CRB1: variants seen among roughly 807,000 people sequenced by gnomAD.
CRB1 encodes the protein crumbs cell polarity complex component 1, also known as protein crumbs homolog 1.
In CRB1, 83 loss-of-function variants were observed where a neutral mutation model predicts 120.0. That is an observed-to-expected ratio of 0.69 (90% CI 0.58 to 0.83). The LOEUF (loss-of-function observed/expected upper bound fraction) is 0.83, where lower values mean the gene tolerates loss of function less well. CRB1 is among the 40% of genes least tolerant of loss of function. The pLI is 0.00. For missense variants in CRB1, 1,699 were observed against 1,687.6 expected (o/e 1.01, Z -0.12); for synonymous variants, 625 against 612.5 (o/e 1.02, Z -0.30).
chr1:197,349,559 T>A (rs1659971619), intron 4 of CRB1, among the ~76,000 whole-genome samples: 2 of 152,182 alleles, frequency 1.3e-5, no homozygotes, highest in South Asian at 4.1e-4. Context: ...AAAATGATAA[T>A]CTTGTGGGTG....
intron 11 of CRB1, among the ~76,000 whole-genome samples, chr1:197,466,176 A>T (rs544550512): frequency 6.6e-6 from 1 of 152,174 alleles, no homozygotes; most frequent in South Asian, 2.1e-4. Context: ...TCCTACATTT[A>T]AGCCCTATTT....
At chr1:197,396,884 C>A (rs561281203) in intron 5 of CRB1, among the ~76,000 whole-genome samples, 1 of 151,978 alleles carries the variant, frequency 6.6e-6, no homozygotes, top group Non-Finnish European at 1.5e-5. Context: ...ATCTTGGGCT[C>A]AGCAAAGATT....
At chr1:197,367,645 A>G (rs1239359107) in intron 5 of CRB1, among the ~76,000 whole-genome samples, 4 of 152,250 alleles carry the variant, frequency 2.6e-5, no homozygotes, top group East Asian at 3.9e-4. Flanking sequence ...AATACCCTTA[A>G]CAAGTTTCCA....
chr1:197,313,939 C>T (rs550047523), intron 1 of CRB1, among the ~76,000 whole-genome samples: 90 of 152,236 alleles, frequency 5.9e-4, no homozygotes, highest in South Asian at 6.2e-4. Context: ...ATTTGTAGGT[C>T]TGGTTAAATT....
At chr1:197,371,135 T>A (rs1379077518) in intron 5 of CRB1, among the ~76,000 whole-genome samples, 2 of 152,186 alleles carry the variant, frequency 1.3e-5, no homozygotes, top group African/African-American at 4.8e-5. Context: ...TCACTTACCT[T>A]CTGTCTCAGC....
chr1:197,396,256 A>G (rs1662766624), intron 5 of CRB1, among the ~76,000 whole-genome samples: 1 of 152,158 alleles, frequency 6.6e-6, no homozygotes, highest in Non-Finnish European at 1.5e-5. Flanking sequence ...ATAATTAGGT[A>G]TACATTTAAC....
rs144818636 is a variant in CRB1 at position 197,317,648 on chromosome 1, C to T, written c.71-10774C>T. ...GCATGGTAAATGGAATAAAAATAGA[C>T]ACATAGACTAATGAACTGAATAGAG... On this transcript the variant is annotated intron_variant, in intron 1 of 11. Transcript: ENST00000367400. 3.9e-3 allele frequency among the ~76,000 whole-genome samples: 594 copies of T among 152,178 alleles called. 8 individuals are homozygous for T. The highest frequency in any genetic ancestry group is 0.011 in the Admixed American group (165 of 15,288).
intron 5 of CRB1, among the ~76,000 whole-genome samples, chr1:197,420,000 C>CA (rs200847709): frequency 0.63 from 88,605 of 139,896 alleles, 31,626 homozygotes; most frequent in East Asian, 0.86. Context: ...AAAAAAAAAA[C>CA]AAACAAAAAA....
At chr1:197,357,176 T>C in intron 5 of CRB1, 163 bp downstream of exon 5, 1 of 727,636 alleles carries the variant, frequency 1.4e-6, no homozygotes, top group East Asian at 2.7e-5. Flanking sequence ...TTGTTTCACA[T>C]TTCAGAATTC....
chr1:197,347,275 C>G (rs1005514724), intron 3 of CRB1, 65 bp from the exon 4 acceptor site: 2 of 1,428,322 alleles, frequency 1.4e-6, no homozygotes, highest in Non-Finnish European at 9.9e-7. Context: ...GTTGAAGAAA[C>G]AGTATAAAGA....
intron 5 of CRB1, among the ~76,000 whole-genome samples, chr1:197,363,472 G>A (rs1230733361): frequency 6.6e-6 from 1 of 152,112 alleles, no homozygotes; most frequent in African/African-American, 2.4e-5. Flanking sequence ...ATTCAATGTG[G>A]AATTCATGGT....
rs117670399 is a variant in CRB1 at position 197,392,278 on chromosome 1, T to C, written c.1172-28722T>C. Reference sequence around the variant, plus strand: ...ACACACACACATACACACACACACATATATATATAATTTCCTTCTTTAAAG... The same window carrying C: ...ACACACACACATACACACACACACACATATATATAATTTCCTTCTTTAAAG... On this transcript the variant is annotated intron_variant, in intron 5 of 11. Transcript: ENST00000367400. 1.2e-3 allele frequency among the ~76,000 whole-genome samples: 179 copies of C among 151,632 alleles called. No homozygotes were observed. The East Asian group carries it at 0.02, about 17-fold the overall frequency.
At chr1:197,254,725 C>T in the CRB1 span, among the ~76,000 whole-genome samples, 1 of 152,050 alleles carries the variant, frequency 6.6e-6, no homozygotes, top group Non-Finnish European at 1.5e-5. Flanking sequence ...CAATTATAGG[C>T]TTTGAATAAA....
chr1:197,395,202 A>G (rs1438393965), intron 5 of CRB1, among the ~76,000 whole-genome samples: 2 of 152,294 alleles, frequency 1.3e-5, no homozygotes, highest in East Asian at 3.9e-4. Context: ...TTCTATCTCC[A>G]TCAGTGAAAA....
Position 197,356,834 on chromosome 1 carries a change from A to G in CRB1, c.992A>G (p.Tyr331Cys), listed in dbSNP as rs1285890301. Residue 331 changes from tyrosine (Y) to cysteine (C), a missense_variant, in exon 5 of 12, where the codon TAC becomes TGC. By Grantham distance (194) the Tyr-to-Cys change is radical. Coordinates refer to ENST00000367400, the MANE Select transcript of CRB1 (RefSeq NM_201253.3). ...DNYTCHCWPG[Y>C]TGAQCEIDLN... ...TCTCTGAATTTTCATCATGCAGGAT[A>G]CACAGGTGCCCAGTGTGAGATCGAC... The G allele has an allele frequency of 6.2e-7, 1 of 1,614,184 alleles. No homozygotes were observed. The highest frequency in any genetic ancestry group is 8.5e-7 in the Non-Finnish European group (1 of 1,179,996).
chr1:197,203,635 T>C, the CRB1 span, among the ~76,000 whole-genome samples: 4 of 152,292 alleles, frequency 2.6e-5, no homozygotes, highest in South Asian at 6.2e-4. Flanking sequence ...TACTTGACAT[T>C]TTAATAGAGG....
the CRB1 span, among the ~76,000 whole-genome samples, chr1:197,228,817 G>T: frequency 1.3e-5 from 2 of 152,176 alleles, no homozygotes; most frequent in Non-Finnish European, 2.9e-5. Flanking sequence ...TGGATTTACA[G>T]TTCCACATGA....
chr1:197,401,623 TG>T (rs1360570489), intron 5 of CRB1, among the ~76,000 whole-genome samples: 1 of 152,200 alleles, frequency 6.6e-6, no homozygotes, highest in Non-Finnish European at 1.5e-5. Flanking sequence ...CAAATTGAAC[TG>T]GTTTTAATGT....
intron 5 of CRB1, among the ~76,000 whole-genome samples, chr1:197,383,525 A>C (rs1662062738): frequency 6.6e-6 from 1 of 152,206 alleles, no homozygotes; most frequent in Non-Finnish European, 1.5e-5. Context: ...TCTTTGTTGA[A>C]TTCTCAAATG....
Sources: gnomAD v4.1 joint callset for allele counts (sites outside exome capture counted in the v4.1 genomes callset) on GRCh38, gnomAD v4.1.1 for gene constraint, MANE v1.5 for transcripts, NCBI Gene and HGNC (gene_info 2026-07-23, HGNC 2026-07-21) for gene names.